ZNF676: variants seen among roughly 807,000 people sequenced by gnomAD.
ZNF676 encodes zinc finger protein 676.
A neutral mutation model predicts 6.0 loss-of-function variants in ZNF676; 4 were observed. That is an observed-to-expected ratio of 0.67 (90% CI 0.33 to 1.53). ZNF676 has a LOEUF of 1.53. ZNF676 is among the 40% of genes most tolerant of loss of function. ZNF676 has a pLI of 0.06. For missense variants in ZNF676, 644 were observed against 679.7 expected (o/e 0.95, Z 0.58); for synonymous variants, 198 against 223.1 (o/e 0.89, Z 1.00).
chr19:22,190,504 T>A (rs1011625636), intron 2 of ZNF676, among the ~76,000 whole-genome samples: 1 of 150,332 alleles, frequency 6.7e-6, no homozygotes, highest in Non-Finnish European at 1.5e-5. Flanking sequence ...CTTAAAATAA[T>A]AATAATAATA....
At chr19:22,214,278 C>T (rs281183) in intron 1 of ZNF676, among the ~76,000 whole-genome samples, 64,464 of 152,002 alleles carry the variant, frequency 0.42, 14,487 homozygotes, top group African/African-American at 0.58. Flanking sequence ...AAGTGGCTGG[C>T]AGTTAGACTG....
intron 2 of ZNF676, among the ~76,000 whole-genome samples, chr19:22,186,947 C>A (rs1009969315): frequency 6.6e-6 from 1 of 152,112 alleles, no homozygotes; most frequent in Non-Finnish European, 1.5e-5. Context: ...GACTTTAACA[C>A]CCCACTGTCA....
intron 1 of ZNF676, among the ~76,000 whole-genome samples, chr19:22,213,534 T>C (rs1475180242): frequency 2.6e-5 from 4 of 152,176 alleles, no homozygotes; most frequent in Admixed American, 6.5e-5. Flanking sequence ...CTACATTCCA[T>C]ACCTCGGGTT....
chr19:22,181,385 T>G lies in ZNF676; in HGVS notation c.332A>C (p.Lys111Thr). ...LNQSLTTTQS[K>T]VFQCGKYANV... is the part of the protein sequence containing the mutation. ...TGCATATTTGCCACATTGAAATACT[T>G]TGCTCTGTGTAGTTGTTAAACTCTG... Residue 111 changes from lysine to threonine, a missense_variant, in exon 3 of 3, where the codon AAA (lysine) becomes ACA (threonine). Around this residue, in one of 5 missense-constraint regions of ZNF676, gnomAD observed 280 missense variants for 269.3 expected, o/e 1.04. Transcript: ENST00000397121. The G allele has an allele frequency of 6.2e-7, 1 of 1,613,714 alleles. No individual in the cohort carries two copies. The highest frequency in any genetic ancestry group is 8.5e-7 in the Non-Finnish European group (1 of 1,179,754).
the ZNF676 span, among the ~76,000 whole-genome samples, chr19:22,231,458 A>G: frequency 9.9e-5 from 15 of 151,180 alleles, no homozygotes; most frequent in South Asian, 3.2e-3. Flanking sequence ...AAAAACCAAG[A>G]TGCAACTTGC....
chr19:22,238,681 G>A, the ZNF676 span, among the ~76,000 whole-genome samples: 2 of 152,218 alleles, frequency 1.3e-5, no homozygotes, highest in African/African-American at 2.4e-5. Flanking sequence ...TGTTAATTAA[G>A]TATTAACTCA....
chr19:22,193,372 G>A (rs1477348662), intron 1 of ZNF676, among the ~76,000 whole-genome samples: 1 of 152,100 alleles, frequency 6.6e-6, no homozygotes, highest in Non-Finnish European at 1.5e-5. Flanking sequence ...CTGCAGGCAG[G>A]TACTCTCACT....
chr19:22,188,892 T>C (rs781187695), intron 2 of ZNF676, among the ~76,000 whole-genome samples: 5 of 152,146 alleles, frequency 3.3e-5, no homozygotes, highest in African/African-American at 1.2e-4. Context: ...CGCTCATGCA[T>C]AGGAACAATC....
In ZNF676 at chr19:22,180,479, C is replaced by T; in HGVS notation, c.1238G>A (p.Arg413Lys). ...GTAGGGTTTCTCTCCAGTATGAATT[C>T]TCTTATGTTCCATGAGCTTTGAGGA... The part of the protein sequence containing the change: ...NSSSKLMEHK[R>K]IHTGEKPYKC... The change falls in exon 3 of 3, where the codon AGA becomes AAA. Residue 413 changes from arginine to lysine, a missense_variant. Coordinates refer to ENST00000397121, the MANE Select transcript of ZNF676 (RefSeq NM_001001411.3). The T allele has an allele frequency of 6.2e-7, 1 of 1,603,588 alleles. No homozygotes were observed. Among genetic ancestry groups the T allele is most frequent in the Non-Finnish European group, 8.5e-7 (1 of 1,177,152 alleles).
chr19:22,227,475 T>C, the ZNF676 span, among the ~76,000 whole-genome samples: 1 of 151,942 alleles, frequency 6.6e-6, no homozygotes, highest in Non-Finnish European at 1.5e-5. Context: ...GCAAACAAAT[T>C]CAAATGCTGG....
At chr19:22,226,456 C>A in the ZNF676 span, among the ~76,000 whole-genome samples, 1 of 152,034 alleles carries the variant, frequency 6.6e-6, no homozygotes, top group African/African-American at 2.4e-5. Context: ...ATAGAAATTA[C>A]GTCAAATTTG....
At chr19:22,207,566 T>C (rs1280167786) in intron 1 of ZNF676, among the ~76,000 whole-genome samples, 1 of 152,104 alleles carries the variant, frequency 6.6e-6, no homozygotes, top group African/African-American at 2.4e-5. Context: ...ACCACCAAAA[T>C]ATTTTTTAAC....
the ZNF676 span, among the ~76,000 whole-genome samples, chr19:22,235,143 GGAAGGAAGGAAA>G: frequency 2.0e-3 from 303 of 149,272 alleles, no homozygotes; most frequent in African/African-American, 7.3e-3. Flanking sequence ...AAGGAAGGAA[GGAAGGAAGGAAA>G]GAAAGAAAGA....
At chr19:22,213,876 G>A (rs2024157418) in intron 1 of ZNF676, among the ~76,000 whole-genome samples, 1 of 152,154 alleles carries the variant, frequency 6.6e-6, no homozygotes, top group Non-Finnish European at 1.5e-5. Context: ...AAACTGAAGG[G>A]TGGCTGAGGA....
At chr19:22,212,199 CAA>C (rs34421901) in intron 1 of ZNF676, among the ~76,000 whole-genome samples, 31 of 119,112 alleles carry the variant, frequency 2.6e-4, no homozygotes, top group East Asian at 4.7e-4. Context: ...GATTCTGTCT[CAA>C]AAAAAAAAAA....
At chr19:22,241,129 A>G in the ZNF676 span, among the ~76,000 whole-genome samples, 1 of 151,938 alleles carries the variant, frequency 6.6e-6, no homozygotes, top group Non-Finnish European at 1.5e-5. Context: ...GCCAAGTGAT[A>G]CGTCATAATC....
intron 2 of ZNF676, among the ~76,000 whole-genome samples, chr19:22,187,486 C>A (rs943133624): frequency 8.6e-5 from 13 of 151,804 alleles, no homozygotes; most frequent in Non-Finnish European, 1.8e-4. Context: ...CAAATTCAAA[C>A]CCTAGCAGAA....
the ZNF676 span, chr19:22,244,683 A>T: frequency 6.6e-6 from 1 of 152,224 alleles, no homozygotes; most frequent in Admixed American, 6.5e-5. Flanking sequence ...TCACCTGGTT[A>T]CTGGGCCCAG....
intron 1 of ZNF676, among the ~76,000 whole-genome samples, chr19:22,211,252 T>C (rs1464417058): frequency 6.6e-6 from 1 of 152,172 alleles, no homozygotes; most frequent in African/African-American, 2.4e-5. Flanking sequence ...TCCAGGGCTC[T>C]GTAGCTTCTC....
Sources: allele counts gnomAD v4.1 joint callset (sites outside exome capture counted in the v4.1 genomes callset), GRCh38; gene constraint gnomAD v4.1.1; regional missense constraint gnomAD v4.1.1; transcripts MANE v1.5; gene names NCBI Gene and HGNC (gene_info 2026-07-23, HGNC 2026-07-21).